DCPH1: variants seen among roughly 807,000 people sequenced by gnomAD.
DCPH1 encodes the protein damage-control phosphatase 1.
At chr6:151,452,665 G>GC in the DCPH1 span, 1 of 1,402,412 alleles carries the variant, frequency 7.1e-7, no homozygotes, top group Non-Finnish European at 9.7e-7. Context: ...AGCGGAGGGC[G>GC]CCCGCTCCCC....
At chr6:151,469,134 C>T in the DCPH1 span, 4 of 1,566,720 alleles carry the variant, frequency 2.6e-6, no homozygotes, top group Admixed American at 5.8e-5. Flanking sequence ...CTCTCAGTTG[C>T]ATAGAAAGAT....
the DCPH1 span, chr6:151,454,490 A>G: frequency 2.5e-6 from 2 of 804,894 alleles, no homozygotes; most frequent in Non-Finnish European, 4.3e-6. Context: ...ACTAAAAGAT[A>G]GCCAGTCTTC....
the DCPH1 span, chr6:151,452,845 G>C: frequency 2.4e-6 from 1 of 425,138 alleles, no homozygotes; most frequent in Non-Finnish European, 4.1e-6. Flanking sequence ...GTTCCTGGCG[G>C]TCACTTTTTA....
the DCPH1 span, chr6:151,454,514 G>A: frequency 2.0e-6 from 2 of 1,017,620 alleles, no homozygotes; most frequent in African/African-American, 3.2e-5. Flanking sequence ...TATTGATGCT[G>A]CTAAGTTATA....
chr6:151,466,160 C>T, the DCPH1 span, among the ~76,000 whole-genome samples: 1 of 152,234 alleles, frequency 6.6e-6, no homozygotes. Flanking sequence ...CTCAGGTGAT[C>T]TGCCCACCTT....
chr6:151,467,201 A>T, the DCPH1 span, among the ~76,000 whole-genome samples: 1 of 151,904 alleles, frequency 6.6e-6, no homozygotes, highest in Non-Finnish European at 1.5e-5. Flanking sequence ...CAGTGAGCCA[A>T]GATCGCACCA....
the DCPH1 span, among the ~76,000 whole-genome samples, chr6:151,461,396 C>T: frequency 6.6e-6 from 1 of 152,186 alleles, no homozygotes; most frequent in African/African-American, 2.4e-5. Flanking sequence ...TTAGGCCAGG[C>T]ACAGTGGCTT....
the DCPH1 span, chr6:151,452,649 G>A: frequency 6.6e-7 from 1 of 1,512,320 alleles, no homozygotes; most frequent in Non-Finnish European, 8.9e-7. Context: ...GAGCCTGTGG[G>A]GACTAAGCGG....
chr6:151,467,068 T>C, the DCPH1 span, among the ~76,000 whole-genome samples: 4 of 152,036 alleles, frequency 2.6e-5, no homozygotes, highest in Non-Finnish European at 5.9e-5. Flanking sequence ...CTGGCTAACA[T>C]GGTAAAACCC....
At chr6:151,458,219 T>C in the DCPH1 span, 3 of 1,352,826 alleles carry the variant, frequency 2.2e-6, no homozygotes, top group African/African-American at 4.4e-5. Context: ...AAATAAAATG[T>C]AGTTTTGAAC....
the DCPH1 span, among the ~76,000 whole-genome samples, chr6:151,463,830 A>G: frequency 4.3e-4 from 66 of 152,336 alleles, no homozygotes; most frequent in East Asian, 9.6e-3. Flanking sequence ...TCTTAGGCCA[A>G]TATAATATGA....
the DCPH1 span, among the ~76,000 whole-genome samples, chr6:151,467,316 G>GGGCCTGACAAGGTGGCTCATGCTTAT: frequency 1.3e-5 from 2 of 151,496 alleles, no homozygotes; most frequent in Non-Finnish European, 2.9e-5. Flanking sequence ...TCACAAATGA[G>GGGCCTGACAAGGTGGCTCATGCTTAT]GGCCTGACAA....
the DCPH1 span, among the ~76,000 whole-genome samples, chr6:151,466,168 C>T: frequency 6.6e-6 from 1 of 152,214 alleles, no homozygotes. Flanking sequence ...ATCTGCCCAC[C>T]TTGGCCTCCC....
chr6:151,462,490 A>G, the DCPH1 span, among the ~76,000 whole-genome samples: 39 of 152,200 alleles, frequency 2.6e-4, no homozygotes, highest in Non-Finnish European at 2.9e-5. Flanking sequence ...AGACTCATCC[A>G]TATGTTACAA....
At chr6:151,468,439 C>T in the DCPH1 span, 1 of 1,611,904 alleles carries the variant, frequency 6.2e-7, no homozygotes, top group South Asian at 1.1e-5. Flanking sequence ...AGACCTAAAA[C>T]CTTTCATTTT....
At chr6:151,467,214 G>A in the DCPH1 span, among the ~76,000 whole-genome samples, 2 of 150,674 alleles carry the variant, frequency 1.3e-5, no homozygotes, top group African/African-American at 2.4e-5. Context: ...TCGCACCACC[G>A]CACTCCAGCC....
chr6:151,454,561 CT>C, the DCPH1 span: 1 of 1,488,154 alleles, frequency 6.7e-7, no homozygotes, highest in Non-Finnish European at 9.3e-7. Context: ...ATTTGCATAT[CT>C]TACAATTAAA....
chr6:151,462,706 T>A, the DCPH1 span, among the ~76,000 whole-genome samples: 10 of 152,216 alleles, frequency 6.6e-5, no homozygotes, highest in Non-Finnish European at 1.2e-4. Flanking sequence ...TAGAAGTGAA[T>A]CACTGGGTCA....
At chr6:151,454,743 G>A in the DCPH1 span, 2 of 636,520 alleles carry the variant, frequency 3.1e-6, no homozygotes, top group Non-Finnish European at 2.7e-6. Context: ...TCCTTTAAAT[G>A]TAAAAATCAA....
Sources: gnomAD v4.1 joint callset for allele counts (sites outside exome capture counted in the v4.1 genomes callset) on GRCh38, gnomAD v4.1.1 for gene constraint, MANE v1.5 for transcripts, NCBI Gene and HGNC (gene_info 2026-07-23, HGNC 2026-07-21) for gene names.